Variants in PAPLN observed in about 807,000 individuals in gnomAD.
PAPLN encodes papilin, proteoglycan like sulfated glycoprotein.
A neutral mutation model predicts 159.0 loss-of-function variants in PAPLN; 146 were observed. The ratio of observed to expected loss-of-function variants is 0.92; its 90% CI spans 0.80 to 1.05. The LOEUF is 1.05. Among genes scored for constraint, PAPLN ranks in the 50% least tolerant of loss-of-function variants. The probability of loss-of-function intolerance (pLI) is 0.00; values close to 1 mark genes in which losing one functional copy is unlikely to be tolerated. For missense variants in PAPLN, 1,720 were observed against 1,743.9 expected (o/e 0.99, Z 0.24); for synonymous variants, 734 against 702.9 (o/e 1.04, Z -0.70).
intron 16 of PAPLN, among the ~76,000 whole-genome samples, chr14:73,259,873 G>A (rs1236974919): frequency 3.3e-5 from 5 of 152,112 alleles, no homozygotes; most frequent in African/African-American, 1.2e-4. Context: ...GGGAACTCAC[G>A]GTAAAGGCTA....
chr14:73,249,524 C>T (rs1297911088), intron 5 of PAPLN, among the ~76,000 whole-genome samples: 2 of 151,930 alleles, frequency 1.3e-5, no homozygotes, highest in African/African-American at 4.8e-5. Flanking sequence ...AAGTACAAAA[C>T]TTAGCCGGGT....
At chr14:73,252,592 A>C (rs1424353535) in intron 10 of PAPLN, 57 bp from the exon 11 acceptor site, 3 of 1,583,986 alleles carry the variant, frequency 1.9e-6, no homozygotes, top group Admixed American at 1.7e-5. Flanking sequence ...TGGCCCAGGG[A>C]ACGCGCTTGG....
intron 20 of PAPLN, chr14:73,263,995 G>A (rs752544149): frequency 3.9e-5 from 54 of 1,393,796 alleles, no homozygotes; most frequent in African/African-American, 9.1e-5. Context: ...ACAGCCCCCC[G>A]ACCTCCTCTG....
intron 8 of PAPLN, 32 bp from the exon 9 acceptor site, chr14:73,251,632 T>A (rs369995816): frequency 7.4e-6 from 12 of 1,613,386 alleles, no homozygotes; most frequent in Non-Finnish European, 8.5e-7. Flanking sequence ...CACTGCTCCC[T>A]CTGGCTGACT....
intron 18 of PAPLN, 46 bp downstream of exon 18, chr14:73,261,340 T>TCCCACCATGCCTCCAGCC (rs780334169): frequency 1.9e-6 from 3 of 1,594,804 alleles, no homozygotes; most frequent in Non-Finnish European, 2.6e-6. Context: ...TAGACTCTGC[T>TCCCACCATGCCTCCAGCC]CCCACCATGC....
intron 14 of PAPLN, among the ~76,000 whole-genome samples, chr14:73,256,153 C>T (rs1885882397): frequency 6.6e-6 from 1 of 152,150 alleles, no homozygotes. Flanking sequence ...TCCATGGAGC[C>T]AGTCTGTTCC....
Position 73,251,811 on chromosome 14 carries a change from C to A in PAPLN, c.818C>A (p.Pro273His). The change falls in exon 9 of 27, where the codon CCC (proline) becomes CAC (histidine). Residue 273 changes from proline (P) to histidine (H), a missense_variant. Physicochemically the swap from Pro to His is moderately conservative, Grantham distance 77 (BLOSUM62 -2). Transcript: ENST00000644200. The stretch of plus-strand genomic sequence containing the variant: ...CCTGAGCGACTCCATGCCCGGGGCC[C>A]CACCTCGGAGCCCCTGGTCATCGAG... Reference protein sequence around the residue: ...LAPERLHARGPTSEPLVIELI... With the variant: ...LAPERLHARGHTSEPLVIELI... 1 of 1,599,472 alleles carries A rather than the reference C, an allele frequency of 6.3e-7. No homozygotes were observed. Among genetic ancestry groups the A allele is most frequent in the Non-Finnish European group, 8.5e-7 (1 of 1,175,264 alleles).
chr14:73,248,153 G>A (rs1236256030), intron 5 of PAPLN, among the ~76,000 whole-genome samples: 3 of 141,724 alleles, frequency 2.1e-5, no homozygotes, highest in Non-Finnish European at 4.6e-5. Flanking sequence ...ATGGCCCAGT[G>A]GGAGTCTCAT....
At chr14:73,251,903 T>C (rs1289005636) in intron 9 of PAPLN, 67 bp downstream of exon 9, 1 of 1,544,662 alleles carries the variant, frequency 6.5e-7, no homozygotes, top group Non-Finnish European at 8.7e-7. Flanking sequence ...TGCCAAGCTC[T>C]GTACATGGGG....
intron 16 of PAPLN, among the ~76,000 whole-genome samples, chr14:73,259,975 G>A (rs998801626): frequency 2.0e-5 from 3 of 152,040 alleles, no homozygotes; most frequent in Non-Finnish European, 2.9e-5. Flanking sequence ...CTCCTGCCAG[G>A]TGCCCTCCCT....
In PAPLN at chr14:73,262,362, G is replaced by A. The variant is rs141885797; in HGVS notation, c.2258G>A (p.Arg753Gln). The A allele has an allele frequency of 8.1e-5, 131 of 1,611,996 alleles. No individual in the cohort carries two copies. Among genetic ancestry groups the A allele is most frequent in the African/African-American group, 2.1e-4 (16 of 75,040 alleles). The change falls in exon 19 of 27, where the codon CGG becomes CAG. Residue 753 changes from arginine (R) to glutamine (Q), a missense_variant. Coordinates refer to ENST00000644200, the MANE Select transcript of PAPLN (RefSeq NM_001365906.3). ...CCATGCCCTGCAGCCTACCCCGTGC[G>A]GTGCCTGCTGCCCAGTGCCCATGGC... ...VGQPSHAYPV[R>Q]CLLPSAHGSC...
At chr14:73,267,073 A>G (rs900281485) in intron 25 of PAPLN, among the ~76,000 whole-genome samples, 21 of 152,034 alleles carry the variant, frequency 1.4e-4, no homozygotes, top group African/African-American at 5.1e-4. Context: ...GACAGTTTGG[A>G]GCTGGTAAGT....
chr14:73,242,645 T>G (rs1207517870), intron 2 of PAPLN: 2 of 152,242 alleles, frequency 1.3e-5, no homozygotes, highest in Admixed American at 6.5e-5. Context: ...AGAAACTTGA[T>G]CCAAGTAAAT....
chr14:73,257,923 C>T (rs1009847738), intron 14 of PAPLN, among the ~76,000 whole-genome samples: 7 of 151,854 alleles, frequency 4.6e-5, no homozygotes, highest in African/African-American at 1.5e-4. Context: ...GCTACTGCGC[C>T]CAGCTAATTT....
chr14:73,268,790 T>C, intron 26 of PAPLN, 67 bp downstream of exon 26: 1 of 1,491,388 alleles, frequency 6.7e-7, no homozygotes, highest in Non-Finnish European at 8.9e-7. Context: ...TCTCAAGGGC[T>C]GGCTCTGCAG....
intron 14 of PAPLN, among the ~76,000 whole-genome samples, chr14:73,257,117 G>A (rs1443692476): frequency 2.0e-5 from 3 of 152,066 alleles, no homozygotes; most frequent in Non-Finnish European, 4.4e-5. Flanking sequence ...GATCACAGGT[G>A]CAGGCCACCA....
At chr14:73,258,405 GT>G (rs1886166601) in intron 14 of PAPLN, among the ~76,000 whole-genome samples, 1 of 152,064 alleles carries the variant, frequency 6.6e-6, no homozygotes, top group African/African-American at 2.4e-5. Context: ...TTTTAAAAAA[GT>G]ATGTTCTGTT....
intron 14 of PAPLN, among the ~76,000 whole-genome samples, chr14:73,258,618 TAAAA>T (rs57126237): frequency 1.3e-5 from 1 of 75,788 alleles, no homozygotes; most frequent in East Asian, 6.7e-4. Flanking sequence ...ACCCTATCTC[TAAAA>T]AAAAAAAAAA....
Position 73,245,112 on chromosome 14 carries a change from C to G in PAPLN, c.170+353C>G. The G allele has an allele frequency of 4.5e-6, 1 of 222,158 alleles. No individual in the cohort carries two copies. The highest frequency in any genetic ancestry group is 7.7e-5 in the South Asian group (1 of 12,976). 13.8% of individuals were successfully genotyped at this position (222,158 alleles called of 1,614,324 possible). ...GGTTTCTTTACCGAGTACAGATGTT[C>G]CCCACTTCAAGCGATTTATTAAATG... On this transcript the variant is annotated intron_variant, in intron 3 of 26. Coordinates refer to ENST00000644200, the MANE Select transcript of PAPLN (RefSeq NM_001365906.3). This position sits in a 1 kb window ranked among gnomAD's most constrained non-coding sequence, Gnocchi z 4.2.
Sources: allele counts gnomAD v4.1 joint callset (sites outside exome capture counted in the v4.1 genomes callset), GRCh38; gene constraint gnomAD v4.1.1; non-coding constraint Gnocchi (gnomAD v3.1); transcripts MANE v1.5; gene names NCBI Gene and HGNC (gene_info 2026-07-23, HGNC 2026-07-21).